IQCE: variants seen among roughly 807,000 people sequenced by gnomAD.
IQCE encodes the protein IQ domain-containing protein E.
Under a neutral mutation model 96.0 loss-of-function variants are expected in IQCE, and 115 were observed. The observed-to-expected ratio is 1.20, with a 90% CI of 1.03 to 1.40. IQCE has a LOEUF of 1.40. IQCE is among the 40% of genes most tolerant of loss of function. The pLI, the probability that IQCE is intolerant of heterozygous loss-of-function variation, is 0.00. For missense variants in IQCE, 1,041 were observed against 909.1 expected (o/e 1.15, Z -1.87); for synonymous variants, 412 against 371.2 (o/e 1.11, Z -1.26).
chr7:2,577,476 G>A (rs1782238669), intron 6 of IQCE, among the ~76,000 whole-genome samples: 1 of 137,304 alleles, frequency 7.3e-6, no homozygotes, highest in South Asian at 2.4e-4. Context: ...ACTGTGTGCG[G>A]CGTATACGCA....
intron 21 of IQCE, among the ~76,000 whole-genome samples, chr7:2,608,233 C>T (rs1442388868): frequency 6.6e-6 from 1 of 152,160 alleles, no homozygotes; most frequent in African/African-American, 2.4e-5. Flanking sequence ...CGGGCGGAGG[C>T]CTCGCTTTCC....
chr7:2,587,255 G>T (rs1026452626), intron 12 of IQCE, among the ~76,000 whole-genome samples: 3 of 152,102 alleles, frequency 2.0e-5, no homozygotes, highest in Admixed American at 6.6e-5. Context: ...CTGAGTGTGT[G>T]GGAGTGGGGG....
At chr7:2,609,538 G>C (rs1785018168) in intron 21 of IQCE, among the ~76,000 whole-genome samples, 1 of 152,248 alleles carries the variant, frequency 6.6e-6, no homozygotes. Flanking sequence ...CTCCAGTGTG[G>C]ACTCGAGGTT....
At chr7:2,586,495 C>T (rs751004794) in intron 12 of IQCE, 124 bp downstream of exon 12, 713 of 1,053,882 alleles carry the variant, frequency 6.8e-4, no homozygotes, top group Non-Finnish European at 9.1e-4. Flanking sequence ...CCTTGGGCAA[C>T]GCCAGTTCCC....
At chr7:2,568,429 G>A (rs1319772173) in intron 2 of IQCE, among the ~76,000 whole-genome samples, 5 of 152,176 alleles carry the variant, frequency 3.3e-5, no homozygotes, top group Non-Finnish European at 5.9e-5. Context: ...GTAAGCAGTG[G>A]AACCAGATCT....
At chr7:2,571,030 C>A (rs1321197866) in intron 3 of IQCE, among the ~76,000 whole-genome samples, 1 of 152,108 alleles carries the variant, frequency 6.6e-6, no homozygotes, top group Non-Finnish European at 1.5e-5. Context: ...CCATTCTTTT[C>A]TTTTCTTTTC....
intron 20 of IQCE, 108 bp downstream of exon 20, chr7:2,606,105 C>G (rs755527805): frequency 7.7e-7 from 1 of 1,305,748 alleles, no homozygotes; most frequent in African/African-American, 1.5e-5. Context: ...ACTGGAGCAG[C>G]GCCTGCCGCC....
chr7:2,563,083 G>A (rs1781087488), intron 1 of IQCE, among the ~76,000 whole-genome samples: 1 of 152,078 alleles, frequency 6.6e-6, no homozygotes, highest in African/African-American at 2.4e-5. Flanking sequence ...GTGCCACCAT[G>A]CCTGGCGAAT....
At chr7:2,583,615 A>G in intron 9 of IQCE, 22 bp from the exon 10 acceptor site, 1 of 1,575,626 alleles carries the variant, frequency 6.3e-7, no homozygotes, top group Non-Finnish European at 8.7e-7. Context: ...CATCCCTATT[A>G]ACGCTGAACT....
rs1007869546 is a variant in IQCE, at chr7:2,610,509, G to C, written c.*347G>C. 9.0e-6 allele frequency: 2 copies of C among 221,802 alleles called. No homozygotes were observed. Among genetic ancestry groups the C allele is most frequent in the South Asian group, 1.2e-4 (2 of 16,186 alleles). The allele number at this position is 221,802 out of a possible 1,614,324, so 13.7% of individuals were successfully genotyped here. A position where few individuals can be genotyped will look rare whatever the true frequency, so the allele number is the denominator to read the frequency against. On this transcript the variant is annotated 3_prime_UTR_variant, in exon 22 of 22. Coordinates refer to ENST00000402050, the MANE Select transcript of IQCE (RefSeq NM_152558.5). The stretch of plus-strand genomic sequence containing the variant: ...TTGCCGCCTGCCCACGACCTTGACC[G>C]TGAGGAGCTGCTATCCGCAACCAGC...
intron 1 of IQCE, among the ~76,000 whole-genome samples, chr7:2,563,179 G>C (rs1232009824): frequency 6.6e-6 from 1 of 152,020 alleles, no homozygotes; most frequent in African/African-American, 2.4e-5. Flanking sequence ...TCACTCCTTG[G>C]CCTCCCAAAG....
Position 2,593,098 on chromosome 7 carries a change from G to C in IQCE, c.1321G>C (p.Glu441Gln). The C allele has an allele frequency of 6.2e-7, 1 of 1,612,682 alleles. No homozygotes were observed. The highest frequency in any genetic ancestry group is 1.1e-5 in the South Asian group (1 of 90,974). ...ELECAREGEE[E>Q]RREREEVLRE... ...GGAGTGCGCGAGGGAGGGCGAGGAG[G>C]AGAGGAGAGAGCGAGAGGAGGTTTT... The change falls in exon 15 of 22, where the codon GAG becomes CAG. Residue 441 changes from glutamate (E) to glutamine (Q), a missense_variant. Coordinates refer to ENST00000402050, the MANE Select transcript of IQCE (RefSeq NM_152558.5).
At chr7:2,584,129 C>T (rs1357731913) in intron 10 of IQCE, 107 bp from the exon 11 acceptor site, 9 of 987,790 alleles carry the variant, frequency 9.1e-6, no homozygotes, top group East Asian at 2.4e-5. Flanking sequence ...ACTTAGTTCC[C>T]GCTTCTGGCC....
In IQCE at chr7:2,578,237, T is replaced by G; in HGVS notation, c.466-5T>G. On this transcript the variant is annotated splice_region_variant and splice_polypyrimidine_tract_variant and intron_variant, in intron 6 of 21. Coordinates refer to ENST00000402050, the MANE Select transcript of IQCE (RefSeq NM_152558.5). ...ATGGCTGTGCATGGCCCTTGTTTTC[T>G]TCAGTCATTGCACGTGCAGAAGAGC... 2 of 1,610,434 alleles carry G rather than the reference T, an allele frequency of 1.2e-6. No individual in the cohort carries two copies. Among genetic ancestry groups the G allele is most frequent in the Non-Finnish European group, 1.7e-6 (2 of 1,177,044 alleles).
chr7:2,589,796 TG>T, intron 13 of IQCE, 110 bp from the exon 14 acceptor site: 1 of 1,030,572 alleles, frequency 9.7e-7, no homozygotes, highest in Non-Finnish European at 1.5e-6. Context: ...AGCTTTCTCA[TG>T]GCCCTGCTGG....
Position 2,588,103 on chromosome 7 carries a change from C to T in IQCE, c.1044+226C>T, listed in dbSNP as rs141224884. On this transcript the variant is annotated intron_variant, in intron 13 of 21. Transcript: ENST00000402050. ...TTCTGTGCGTGGCCGCAGGCAGACG[C>T]GCTTCGCACTGGAGCCCCTCACAGT... Among the ~76,000 whole-genome samples the T allele has an allele frequency of 6.2e-3, 948 of 152,328 alleles. 11 individuals carry two copies. Among genetic ancestry groups the T allele is most frequent in the African/African-American group, 0.019 (789 of 41,580 alleles).
chr7:2,593,370 C>T (rs758994499), intron 15 of IQCE, among the ~76,000 whole-genome samples: 3 of 152,390 alleles, frequency 2.0e-5, no homozygotes, highest in Middle Eastern at 6.8e-3. Context: ...TGTGCCAGCA[C>T]CTGCCCCTTC....
At chr7:2,577,620 G>C (rs1583424532) in intron 6 of IQCE, among the ~76,000 whole-genome samples, 3 of 111,240 alleles carry the variant, frequency 2.7e-5, no homozygotes, top group East Asian at 2.8e-4. Context: ...GCGCGGGGAC[G>C]TGTGTGCGGC....
chr7:2,604,283 T>C (rs1784636600), intron 18 of IQCE, among the ~76,000 whole-genome samples: 1 of 152,098 alleles, frequency 6.6e-6, no homozygotes, highest in African/African-American at 2.4e-5. Flanking sequence ...CGTGCCCAGC[T>C]AATTTTCTGT....
Sources: gnomAD v4.1 joint callset for allele counts (sites outside exome capture counted in the v4.1 genomes callset) on GRCh38, gnomAD v4.1.1 for gene constraint, MANE v1.5 for transcripts, NCBI Gene and HGNC (gene_info 2026-07-23, HGNC 2026-07-21) for gene names.